Variants in STAG1 observed in about 807,000 individuals in gnomAD.
The protein encoded by STAG1 is cohesin subunit SA-1.
Under a neutral mutation model 170.9 loss-of-function variants are expected in STAG1, and 26 were observed. That is an observed-to-expected ratio of 0.15 (90% CI 0.11 to 0.21). The LOEUF is 0.21. STAG1 is among the 10% of genes least tolerant of loss of function. The probability of loss-of-function intolerance (pLI) is 1.00; values close to 1 mark genes in which losing one functional copy is unlikely to be tolerated. For synonymous variants in STAG1, 514 were observed against 497.7 expected, an observed-to-expected ratio of 1.03 and a Z score of -0.44; for missense variants, 964 against 1,509.5, an observed-to-expected ratio of 0.64 and a Z score of 5.99.
chr3:136,558,417 C>T (rs113341929), intron 5 of STAG1, among the ~76,000 whole-genome samples: 7 of 152,098 alleles, frequency 4.6e-5, no homozygotes, highest in African/African-American at 1.4e-4. Flanking sequence ...AAAAATCTTA[C>T]AAAACAATAA....
At chr3:136,728,253 A>C (rs1933800142) in intron 1 of STAG1, among the ~76,000 whole-genome samples, 1 of 152,240 alleles carries the variant, frequency 6.6e-6, no homozygotes, top group South Asian at 2.1e-4. Flanking sequence ...CAAGTAACAA[A>C]GGGGAAATAA....
chr3:136,709,138 G>C (rs1468682252), intron 1 of STAG1, among the ~76,000 whole-genome samples: 3 of 151,490 alleles, frequency 2.0e-5, no homozygotes, highest in Non-Finnish European at 4.4e-5. Flanking sequence ...AAAAATAAAA[G>C]AATTAGCTGG....
intron 18 of STAG1, 68 bp from the exon 19 acceptor site, chr3:136,422,681 G>C: frequency 6.5e-7 from 1 of 1,540,064 alleles, no homozygotes; most frequent in Non-Finnish European, 8.8e-7. Flanking sequence ...ATTAGCATCT[G>C]TCAAATAACA....
At chr3:136,690,248 T>C (rs1942678373) in intron 1 of STAG1, among the ~76,000 whole-genome samples, 1 of 152,144 alleles carries the variant, frequency 6.6e-6, no homozygotes, top group Non-Finnish European at 1.5e-5. Flanking sequence ...CTTTTTTTGT[T>C]TGTTTTGAGA....
intron 1 of STAG1, among the ~76,000 whole-genome samples, chr3:136,674,173 AGGAGGGAGGGAG>A (rs138530593): frequency 3.3e-5 from 2 of 59,936 alleles, no homozygotes; most frequent in South Asian, 9.1e-4. Flanking sequence ...GAGGGAGGGA[AGGAGGGAGGGAG>A]GGAGGGAAGG....
At chr3:136,405,386 T>A (rs2087451729) in intron 21 of STAG1, among the ~76,000 whole-genome samples, 1 of 151,714 alleles carries the variant, frequency 6.6e-6, no homozygotes, top group East Asian at 1.9e-4. Context: ...GGATTACAGA[T>A]GTGTGCTACC....
chr3:136,541,057 G>C (rs1935879388), intron 6 of STAG1, among the ~76,000 whole-genome samples: 1 of 151,678 alleles, frequency 6.6e-6, no homozygotes, highest in Non-Finnish European at 1.5e-5. Flanking sequence ...CCCAAGCTTT[G>C]GTATACATTA....
chr3:136,638,503 T>C (rs1940669192), intron 1 of STAG1, among the ~76,000 whole-genome samples: 1 of 152,168 alleles, frequency 6.6e-6, no homozygotes, highest in Non-Finnish European at 1.5e-5. Flanking sequence ...TGTGTGTATA[T>C]GTGTTTATGG....
At chr3:136,411,881 G>A (rs2087633667) in intron 21 of STAG1, among the ~76,000 whole-genome samples, 1 of 151,550 alleles carries the variant, frequency 6.6e-6, no homozygotes, top group African/African-American at 2.4e-5. Flanking sequence ...GGAGGCGGAG[G>A]TTGCAGTGAG....
At chr3:136,503,787 G>A (rs1383090058) in intron 7 of STAG1, among the ~76,000 whole-genome samples, 2 of 151,976 alleles carry the variant, frequency 1.3e-5, no homozygotes, top group East Asian at 3.9e-4. Flanking sequence ...CCAGGCTGGA[G>A]TGCAATGGCG....
At position 136,490,709 on chromosome 3, in the gene STAG1, T is replaced by C. The variant is rs1167655224; in HGVS notation, c.902+9514A>G. On this transcript the variant is annotated intron_variant, in intron 9 of 33. Transcript: ENST00000383202. Reference sequence around the variant, plus strand: ...TAATAGTTTGTTCAGAATAAATCTATTATGGTATTGTATAAGAATAGCTCT... The same window carrying C: ...TAATAGTTTGTTCAGAATAAATCTACTATGGTATTGTATAAGAATAGCTCT... Among the ~76,000 whole-genome samples, 4 of 152,310 alleles carry C rather than the reference T, an allele frequency of 2.6e-5. No individual in the cohort carries two copies. The South Asian group carries it at 6.2e-4, about 24-fold the overall frequency.
chr3:136,528,345 G>A (rs2107922772), intron 6 of STAG1, among the ~76,000 whole-genome samples: 1 of 152,220 alleles, frequency 6.6e-6, no homozygotes, highest in African/African-American at 2.4e-5. Context: ...TGCTAGCAGT[G>A]AGTGAGGCTC....
At position 136,553,887 on chromosome 3, in the gene STAG1, A is replaced by C. The variant is rs545702136; in HGVS notation, c.395-11692T>G. On this transcript the variant is annotated intron_variant, in intron 5 of 33. Transcript: ENST00000383202. The stretch of plus-strand genomic sequence containing the variant: ...ACATAGAACAGGAGGGGCAAAGAAC[A>C]ACCACTGGTTCAATATAAAACTAAT... Among the ~76,000 whole-genome samples the C allele has an allele frequency of 2.2e-4, 33 of 152,340 alleles. No individual in the cohort carries two copies. The South Asian group carries it at 4.1e-3, about 19-fold the overall frequency.
At chr3:136,649,437 C>T (rs1415007811) in intron 1 of STAG1, among the ~76,000 whole-genome samples, 2 of 148,920 alleles carry the variant, frequency 1.3e-5, no homozygotes, top group South Asian at 2.1e-4. Context: ...GGAGATGGCG[C>T]CACTGTACTC....
chr3:136,417,949 T>C lies in STAG1; in HGVS notation c.2132A>G (p.Asp711Gly). ...TAATCTGTAGCAATTACCAAAGAGA[T>C]CCCATTTTGTGAGATCATGTGCACT... Reference protein sequence around the residue: ...FHNAHDLTKWDLFGNCYRLLK... With the variant: ...FHNAHDLTKWGLFGNCYRLLK... Residue 711 changes from aspartate (D) to glycine (G), a missense_variant, in exon 21 of 34, where the codon GAT becomes GGT. By Grantham distance (94) the Asp-to-Gly change is moderately conservative (BLOSUM62 -1). This residue lies in a region of STAG1 where 232 missense variants were observed against 313.0 expected (regional missense o/e 0.74). Transcript: ENST00000383202. 6.2e-7 allele frequency: 1 copy of C among 1,613,832 alleles called. No homozygotes were observed. The highest frequency in any genetic ancestry group is 8.5e-7 in the Non-Finnish European group (1 of 1,179,780).
intron 1 of STAG1, among the ~76,000 whole-genome samples, chr3:136,741,562 G>A (rs534197507): frequency 9.9e-5 from 15 of 152,136 alleles, no homozygotes; most frequent in African/African-American, 2.9e-4. Context: ...TCCACCTCCC[G>A]GGTTCAAGCG....
chr3:136,531,079 G>A (rs533278654), intron 6 of STAG1, among the ~76,000 whole-genome samples: 20 of 152,224 alleles, frequency 1.3e-4, no homozygotes, highest in South Asian at 1.0e-3. Context: ...ACTCTAGCCT[G>A]GGCAACAAGA....
Position 136,428,723 on chromosome 3 carries a change from C to T in STAG1, c.1650+4833G>A, listed in dbSNP as rs79583212. 4.0e-3 allele frequency among the ~76,000 whole-genome samples: 608 copies of T among 152,246 alleles called. 13 individuals are homozygous for T. In the East Asian group the frequency reaches 0.058, roughly 14 times the overall value. On this transcript the variant is annotated intron_variant, in intron 16 of 33. Coordinates refer to ENST00000383202, the MANE Select transcript of STAG1 (RefSeq NM_005862.3). Reference sequence around the variant, plus strand: ...GAAAACTGTGTCCAGATGTTATGTACGATTTCACAGAACTTATGACAGAAC... The same window carrying T: ...GAAAACTGTGTCCAGATGTTATGTATGATTTCACAGAACTTATGACAGAAC...
intron 1 of STAG1, among the ~76,000 whole-genome samples, chr3:136,651,098 C>T (rs1470437550): frequency 6.6e-6 from 1 of 152,108 alleles, no homozygotes; most frequent in Non-Finnish European, 1.5e-5. Flanking sequence ...GGCACTGTGG[C>T]TCACACCTGT....
Sources: allele counts gnomAD v4.1 joint callset (sites outside exome capture counted in the v4.1 genomes callset), GRCh38; gene constraint gnomAD v4.1.1; regional missense constraint gnomAD v4.1.1; transcripts MANE v1.5; gene names NCBI Gene and HGNC (gene_info 2026-07-23, HGNC 2026-07-21).